The following RHCG variants were observed in gnomAD, a reference collection of about 807,000 sequenced individuals.
RHCG encodes Rh family C glycoprotein.
RHCG carries 39 observed loss-of-function variants against 55.3 expected under a neutral mutation model. That is an observed-to-expected ratio of 0.70 (90% CI 0.55 to 0.92). The LOEUF (loss-of-function observed/expected upper bound fraction) is 0.92, where lower values mean the gene tolerates loss of function less well. Among genes scored for constraint, RHCG ranks in the 40% least tolerant of loss-of-function variants. The probability of loss-of-function intolerance (pLI) is 0.00; values close to 1 mark genes in which losing one functional copy is unlikely to be tolerated. For missense variants in RHCG, 635 were observed against 627.9 expected, an observed-to-expected ratio of 1.01 and a Z score of -0.12; for synonymous variants, 250 against 246.8, an observed-to-expected ratio of 1.01 and a Z score of -0.12.
intron 3 of RHCG, 59 bp from the exon 4 acceptor site, chr15:89,480,467 G>A (rs946309304): frequency 4.6e-5 from 72 of 1,566,390 alleles, no homozygotes; most frequent in Middle Eastern, 3.8e-4. Context: ...CCTCATTGCC[G>A]TCCCTGTCTT....
At chr15:89,476,683 C>G in intron 9 of RHCG, 72 bp downstream of exon 9, 1 of 1,336,152 alleles carries the variant, frequency 7.5e-7, no homozygotes, top group South Asian at 1.2e-5. Flanking sequence ...AGGCCCCAGC[C>G]CAGCTGATGC....
intron 9 of RHCG, among the ~76,000 whole-genome samples, chr15:89,476,536 AAG>A (rs1961152552): frequency 6.6e-6 from 1 of 152,272 alleles, no homozygotes; most frequent in Non-Finnish European, 1.5e-5. Context: ...GGTGTGCAGA[AAG>A]AGAGGTACAC....
Sources: allele counts gnomAD v4.1 joint callset (sites outside exome capture counted in the v4.1 genomes callset), GRCh38; gene constraint gnomAD v4.1.1; transcripts MANE v1.5; gene names NCBI Gene and HGNC (gene_info 2026-07-23, HGNC 2026-07-21).